The following WDFY2 variants were observed in gnomAD, a reference collection of about 807,000 sequenced individuals.
WDFY2 encodes the protein WD repeat and FYVE domain containing 2.
A neutral mutation model predicts 56.4 loss-of-function variants in WDFY2; 36 were observed. The ratio of observed to expected loss-of-function variants is 0.64; its 90% CI spans 0.49 to 0.84. WDFY2 has a LOEUF of 0.84. Among genes scored for constraint, WDFY2 ranks in the 40% least tolerant of loss-of-function variants. WDFY2 has a pLI of 0.00. For missense variants in WDFY2, 444 were observed against 512.2 expected (o/e 0.87, Z 1.29); for synonymous variants, 176 against 183.7 (o/e 0.96, Z 0.34).
At chr13:51,728,567 A>G (rs958479652) in intron 6 of WDFY2, among the ~76,000 whole-genome samples, 2 of 152,164 alleles carry the variant, frequency 1.3e-5, no homozygotes, top group African/African-American at 4.8e-5. Flanking sequence ...GAGAATACTG[A>G]GTTTAGATGT....
intron 2 of WDFY2, among the ~76,000 whole-genome samples, chr13:51,673,393 A>T (rs1025221834): frequency 6.6e-6 from 1 of 152,186 alleles, no homozygotes; most frequent in Non-Finnish European, 1.5e-5. Flanking sequence ...TGAGGCTGCA[A>T]TCGAGTTTTG....
chr13:51,655,996 C>G (rs1475173820), intron 1 of WDFY2, among the ~76,000 whole-genome samples: 1 of 147,934 alleles, frequency 6.8e-6, no homozygotes, highest in Admixed American at 6.7e-5. Flanking sequence ...AGGTTTGTTA[C>G]TTTTGCTGAT....
chr13:51,643,655 G>A (rs991837026), intron 1 of WDFY2, among the ~76,000 whole-genome samples: 9 of 152,150 alleles, frequency 5.9e-5, no homozygotes, highest in African/African-American at 1.9e-4. Flanking sequence ...CAGATGGCAT[G>A]GCTGATGCTA....
intron 4 of WDFY2, 72 bp downstream of exon 4, chr13:51,703,722 A>G (rs1374572660): frequency 2.7e-5 from 34 of 1,239,130 alleles, no homozygotes; most frequent in Non-Finnish European, 3.9e-5. Flanking sequence ...CTGCCACAAG[A>G]GAATACATAC....
chr13:51,624,102 T>C (rs1954794075), intron 1 of WDFY2, among the ~76,000 whole-genome samples: 1 of 152,172 alleles, frequency 6.6e-6, no homozygotes, highest in Admixed American at 6.5e-5. Flanking sequence ...TACGGTGAAA[T>C]TGATTCATTT....
chr13:51,667,256 G>A (rs201921895), intron 2 of WDFY2, among the ~76,000 whole-genome samples: 6 of 152,058 alleles, frequency 3.9e-5, no homozygotes, highest in Non-Finnish European at 8.8e-5. Flanking sequence ...GTTTCTTTTT[G>A]TCATTTATTG....
chr13:51,662,604 A>C lies in WDFY2; in HGVS notation c.205+1941A>C, dbSNP rs774570862. ...GGTGTCATCCTGTAATGCTGTCTTT[A>C]TTTGGATATCACTGAGATACAGAGA... On this transcript the variant is annotated intron_variant, in intron 2 of 11. Transcript: ENST00000298125. Among the ~76,000 whole-genome samples the C allele has an allele frequency of 2.8e-4, 43 of 152,182 alleles. 1 individual carries two copies. The highest frequency in any genetic ancestry group is 1.5e-4 in the Non-Finnish European group (10 of 68,038).
intron 1 of WDFY2, among the ~76,000 whole-genome samples, chr13:51,593,277 C>T (rs1246046525): frequency 6.6e-6 from 1 of 152,206 alleles, no homozygotes; most frequent in African/African-American, 2.4e-5. Flanking sequence ...ATATCCTACT[C>T]TCAGGGTACT....
intron 1 of WDFY2, among the ~76,000 whole-genome samples, chr13:51,652,012 T>G (rs1955398880): frequency 6.6e-6 from 1 of 152,368 alleles, no homozygotes; most frequent in Admixed American, 6.5e-5. Flanking sequence ...GTTGTTCAAG[T>G]CTCCCATTAT....
intron 1 of WDFY2, among the ~76,000 whole-genome samples, chr13:51,623,198 GT>G (rs1317003446): frequency 2.7e-5 from 4 of 149,512 alleles, no homozygotes; most frequent in East Asian, 1.9e-4. Context: ...TATGTTACTT[GT>G]TTTTTTTAAA....
chr13:51,593,203 C>T (rs1954084133), intron 1 of WDFY2, among the ~76,000 whole-genome samples: 1 of 152,136 alleles, frequency 6.6e-6, no homozygotes, highest in Non-Finnish European at 1.5e-5. Context: ...TCTGTATTCA[C>T]TCATATTTAT....
At chr13:51,667,829 G>A (rs1360779781) in intron 2 of WDFY2, among the ~76,000 whole-genome samples, 1 of 139,920 alleles carries the variant, frequency 7.1e-6, no homozygotes, top group African/African-American at 2.7e-5. Context: ...AATGTAATGT[G>A]ATCTTTTAAT....
intron 6 of WDFY2, among the ~76,000 whole-genome samples, chr13:51,737,898 G>T (rs1952877433): frequency 6.6e-6 from 1 of 152,192 alleles, no homozygotes; most frequent in African/African-American, 2.4e-5. Context: ...AGCAGCATGG[G>T]GTGCAGGTTT....
intron 3 of WDFY2, among the ~76,000 whole-genome samples, chr13:51,684,830 T>C (rs1212888822): frequency 6.6e-6 from 1 of 152,190 alleles, no homozygotes; most frequent in African/African-American, 2.4e-5. Context: ...ACAGGTTTAC[T>C]TGGATTGTTG....
chr13:51,683,170 T>G (rs1028029688), intron 3 of WDFY2, among the ~76,000 whole-genome samples: 4 of 152,166 alleles, frequency 2.6e-5, no homozygotes, highest in African/African-American at 7.2e-5. Flanking sequence ...CTCCCTTATT[T>G]TCGTGGATTG....
At chr13:51,690,154 TA>T (rs1402258360) in intron 3 of WDFY2, among the ~76,000 whole-genome samples, 5 of 149,886 alleles carry the variant, frequency 3.3e-5, no homozygotes, top group Admixed American at 6.7e-5. Context: ...AATTAATATT[TA>T]AAAAATTTTT....
At chr13:51,612,032 ACTT>A (rs1037068543) in intron 1 of WDFY2, among the ~76,000 whole-genome samples, 9 of 152,060 alleles carry the variant, frequency 5.9e-5, no homozygotes, top group African/African-American at 1.7e-4. Flanking sequence ...CTACTGCTTG[ACTT>A]CTTCTTACCA....
In WDFY2 at chr13:51,763,105, T is replaced by C. The variant is rs1953640308; in HGVS notation, c.*3336T>C. On this transcript the variant is annotated 3_prime_UTR_variant, in exon 12 of 12. Coordinates refer to ENST00000298125, the MANE Select transcript of WDFY2 (RefSeq NM_052950.4). ...AGAGTGTTTCAAGCAGAAAACACAT[T>C]AGTTATACAGGGCAGTTAGATATGG... 1 of 152,122 alleles carries C rather than the reference T, an allele frequency of 6.6e-6. No homozygotes were observed. Among genetic ancestry groups the C allele is most frequent in the African/African-American group, 2.4e-5 (1 of 41,410 alleles). The allele number at this position is 152,122 out of a possible 1,614,324, so 9.4% of individuals were successfully genotyped here.
chr13:51,651,260 AT>A (rs1186138052), intron 1 of WDFY2, among the ~76,000 whole-genome samples: 1 of 152,014 alleles, frequency 6.6e-6, no homozygotes, highest in African/African-American at 2.4e-5. Flanking sequence ...CGGTGGTGAT[AT>A]CCCCTTTATC....
Sources: allele counts gnomAD v4.1 joint callset (sites outside exome capture counted in the v4.1 genomes callset), GRCh38; gene constraint gnomAD v4.1.1; transcripts MANE v1.5; gene names NCBI Gene and HGNC (gene_info 2026-07-23, HGNC 2026-07-21).